The following RNFT2 variants were observed in gnomAD, a reference collection of about 807,000 sequenced individuals.
The protein encoded by RNFT2 is ring finger protein, transmembrane 2.
Under a neutral mutation model 53.0 loss-of-function variants are expected in RNFT2, and 36 were observed. The ratio of observed to expected loss-of-function variants is 0.68; its 90% CI spans 0.52 to 0.90. The LOEUF (loss-of-function observed/expected upper bound fraction) is 0.90, where lower values mean the gene tolerates loss of function less well. Ranked by LOEUF, RNFT2 falls within the 40% of genes least tolerant of loss-of-function variation. The pLI, the probability that RNFT2 is intolerant of heterozygous loss-of-function variation, is 0.00. For synonymous variants in RNFT2, 260 were observed against 253.2 expected (o/e 1.03, Z -0.26); for missense variants, 514 against 585.6 (o/e 0.88, Z 1.26).
chr12:116,834,180 GCA>G (rs1487338568), intron 8 of RNFT2, among the ~76,000 whole-genome samples: 1 of 151,922 alleles, frequency 6.6e-6, no homozygotes. Context: ...GTTCGGTAGC[GCA>G]GTCTCGGCTC....
At chr12:116,800,995 A>T (rs569072425) in intron 7 of RNFT2, 2 of 152,248 alleles carry the variant, frequency 1.3e-5, no homozygotes, top group East Asian at 1.9e-4. Context: ...TACGTCTAGG[A>T]TTCTCTTCTT....
chr12:116,823,775 T>C (rs1252963957), intron 7 of RNFT2, among the ~76,000 whole-genome samples: 1 of 152,226 alleles, frequency 6.6e-6, no homozygotes, highest in South Asian at 2.1e-4. Flanking sequence ...TCCAGGCTGC[T>C]AACAGTGCTG....
intron 7 of RNFT2, among the ~76,000 whole-genome samples, chr12:116,823,720 C>T (rs1467570831): frequency 6.6e-6 from 1 of 152,184 alleles, no homozygotes; most frequent in Admixed American, 6.5e-5. Flanking sequence ...CTTTCCTGGT[C>T]CACTGCCATC....
At chr12:116,826,062 C>A (rs1424152349) in intron 7 of RNFT2, among the ~76,000 whole-genome samples, 1 of 152,110 alleles carries the variant, frequency 6.6e-6, no homozygotes, top group Non-Finnish European at 1.5e-5. Context: ...TGCCTCTCCT[C>A]CCTTCCTCCC....
At chr12:116,755,838 A>G in intron 5 of RNFT2, 2 of 1,571,208 alleles carry the variant, frequency 1.3e-6, no homozygotes, top group Admixed American at 1.7e-5. Context: ...GAGAACATAT[A>G]TCGGGTGCCT....
intron 3 of RNFT2, among the ~76,000 whole-genome samples, chr12:116,743,207 AG>A (rs1871702647): frequency 8.1e-6 from 1 of 123,890 alleles, no homozygotes; most frequent in South Asian, 2.8e-4. Context: ...GATACCAGGT[AG>A]AATCTAAAAA....
chr12:116,773,680 T>C (rs1393500865), intron 6 of RNFT2, among the ~76,000 whole-genome samples: 1 of 152,118 alleles, frequency 6.6e-6, no homozygotes, highest in Admixed American at 6.6e-5. Flanking sequence ...ATGCAACTAC[T>C]TGGAAGAATC....
chr12:116,797,282 A>G (rs1373587329), intron 7 of RNFT2, among the ~76,000 whole-genome samples: 2 of 152,202 alleles, frequency 1.3e-5, no homozygotes, highest in East Asian at 3.8e-4. Flanking sequence ...AAAGATGGCC[A>G]GGCTCTGTGG....
chr12:116,814,987 C>T (rs1202086901), intron 7 of RNFT2, among the ~76,000 whole-genome samples: 1 of 152,202 alleles, frequency 6.6e-6, no homozygotes, highest in African/African-American at 2.4e-5. Flanking sequence ...CCGCCTGCGT[C>T]GGCCTCCCAA....
Position 116,852,850 on chromosome 12 carries a change from A to C in RNFT2, c.*3402A>C. 2 of 785,598 alleles carry C rather than the reference A, an allele frequency of 2.5e-6. No homozygotes were observed. The highest frequency in any genetic ancestry group is 3.3e-5 in the South Asian group (2 of 59,990). 48.7% of individuals were successfully genotyped at this position (785,598 alleles called of 1,614,324 possible). ...GTGTATTACCTGCTGGAACCAAGGAAACTAACAATGTAGGTTACTAGTGAA... is the reference window on the plus strand; with the variant it reads ...GTGTATTACCTGCTGGAACCAAGGACACTAACAATGTAGGTTACTAGTGAA... On this transcript the variant is annotated 3_prime_UTR_variant, in exon 11 of 11. Coordinates refer to ENST00000257575, the MANE Select transcript of RNFT2 (RefSeq NM_001382266.1).
intron 6 of RNFT2, among the ~76,000 whole-genome samples, chr12:116,776,203 A>G (rs1873422693): frequency 6.6e-6 from 1 of 152,180 alleles, no homozygotes; most frequent in African/African-American, 2.4e-5. Context: ...CCCCCAACCA[A>G]AAGCAAAAAC....
chr12:116,755,330 G>T, intron 5 of RNFT2: 12 of 700,622 alleles, frequency 1.7e-5, no homozygotes, highest in Non-Finnish European at 3.1e-5. Flanking sequence ...TGTTCCATTG[G>T]TCTATGTCCC....
At chr12:116,750,873 T>C (rs1277664438) in intron 4 of RNFT2, among the ~76,000 whole-genome samples, 17 of 1,104 alleles carry the variant, frequency 0.015, no homozygotes, top group Non-Finnish European at 0.033. Context: ...ATATATATAA[T>C]ATATATATTA....
Position 116,852,743 on chromosome 12 carries a change from C to A in RNFT2, c.*3295C>A. The A allele has an allele frequency of 6.3e-7, 1 of 1,599,250 alleles. No individual in the cohort carries two copies. The highest frequency in any genetic ancestry group is 1.3e-5 in the African/African-American group (1 of 74,750). On this transcript the variant is annotated 3_prime_UTR_variant, in exon 11 of 11. Transcript: ENST00000257575. ...TAGAACAGTCTGCTGGGAGTCAGACCTGGAATTCTGATTCCAAACTCTTTA... is the reference window on the plus strand; with the variant it reads ...TAGAACAGTCTGCTGGGAGTCAGACATGGAATTCTGATTCCAAACTCTTTA...
chr12:116,776,264 G>A (rs375987284), intron 6 of RNFT2, among the ~76,000 whole-genome samples: 6 of 152,126 alleles, frequency 3.9e-5, no homozygotes. Flanking sequence ...CAGATAGATG[G>A]ATTGAACACC....
chr12:116,781,804 C>T (rs1341807293), intron 7 of RNFT2, among the ~76,000 whole-genome samples: 6 of 151,944 alleles, frequency 3.9e-5, no homozygotes, highest in African/African-American at 1.2e-4. Context: ...CGGCTGGGCA[C>T]GGTGGCTCAC....
At position 116,835,933 on chromosome 12, in the gene RNFT2, T is replaced by C. The variant is rs764785746; in HGVS notation, c.1033-27T>C. 3.7e-6 allele frequency: 6 copies of C among 1,613,654 alleles called. No individual in the cohort carries two copies. In the East Asian group the frequency reaches 1.3e-4, roughly 36 times the overall value. On this transcript the variant is annotated intron_variant, in intron 8 of 10. Transcript: ENST00000257575. ...GTCACGAGTGATCCTTGGGTACATT[T>C]CAGCCACCACCCTGCTCTCCTTTCA...
chr12:116,809,829 C>A (rs1045282995), intron 7 of RNFT2, among the ~76,000 whole-genome samples: 2 of 152,198 alleles, frequency 1.3e-5, no homozygotes, highest in Non-Finnish European at 2.9e-5. Flanking sequence ...CCCACCACCA[C>A]GCTCAGCTAA....
chr12:116,748,649 C>T (rs1162189679), intron 3 of RNFT2: 1 of 451,934 alleles, frequency 2.2e-6, no homozygotes, highest in Non-Finnish European at 4.4e-6. Flanking sequence ...CTCTGCCGCC[C>T]ACCCAATGTC....
Sources: allele counts gnomAD v4.1 joint callset (sites outside exome capture counted in the v4.1 genomes callset), GRCh38; gene constraint gnomAD v4.1.1; transcripts MANE v1.5; gene names NCBI Gene and HGNC (gene_info 2026-07-23, HGNC 2026-07-21).